HIVEP1: variants seen among roughly 807,000 people sequenced by gnomAD.
The protein encoded by HIVEP1 is HIVEP zinc finger 1.
In HIVEP1, 36 loss-of-function variants were observed where a neutral mutation model predicts 180.0. The observed-to-expected ratio is 0.20, with a 90% CI of 0.15 to 0.26. The LOEUF is 0.26. Among genes scored for constraint, HIVEP1 ranks in the 10% least tolerant of loss-of-function variants. The probability of loss-of-function intolerance (pLI) is 1.00; values close to 1 mark genes in which losing one functional copy is unlikely to be tolerated. For synonymous variants in HIVEP1, 1,239 were observed against 1,239.0 expected (o/e 1.00, Z 0.00); for missense variants, 3,143 against 3,268.7 (o/e 0.96, Z 0.94).
rs370921970 is a variant in HIVEP1 at position 12,123,071 on chromosome 6, T to C, written c.3276T>C (p.His1092=). The C allele has an allele frequency of 4.3e-6, 7 of 1,614,160 alleles. No individual in the cohort carries two copies. The highest frequency in any genetic ancestry group is 1.1e-5 in the South Asian group (1 of 91,088). ...AAAATATACAGTTGCAAAACTCCCA[T>C]ATTCACCTTGTTGCCAGGGGCCCTG... ...QHKNIQLQNS[H]IHLVARGPEQ... The change falls in exon 4 of 9, where the codon CAT becomes CAC. Residue 1092 remains histidine, a synonymous_variant. Coordinates refer to ENST00000379388, the MANE Select transcript of HIVEP1 (RefSeq NM_002114.4).
the HIVEP1 span, among the ~76,000 whole-genome samples, chr6:12,186,524 T>A: frequency 1.4e-5 from 2 of 142,132 alleles, no homozygotes; most frequent in African/African-American, 5.2e-5. Flanking sequence ...AATTCTATAA[T>A]TTCACTAAAA....
intron 3 of HIVEP1, among the ~76,000 whole-genome samples, chr6:12,108,481 G>A (rs1027441335): frequency 6.6e-6 from 1 of 152,236 alleles, no homozygotes; most frequent in Non-Finnish European, 1.5e-5. Context: ...AGGAGCCCAC[G>A]GAGGGGGTGG....
At chr6:12,074,617 A>T (rs1488191209) in intron 2 of HIVEP1, among the ~76,000 whole-genome samples, 1 of 75,346 alleles carries the variant, frequency 1.3e-5, no homozygotes, top group African/African-American at 5.1e-5. Flanking sequence ...ATTGTATGAA[A>T]AAGTGTGTGT....
At chr6:12,202,786 C>T in the HIVEP1 span, among the ~76,000 whole-genome samples, 2 of 152,338 alleles carry the variant, frequency 1.3e-5, no homozygotes, top group South Asian at 2.1e-4. Context: ...TTCCCATTCT[C>T]TCTTCTCTTG....
At chr6:12,130,318 T>A (rs1461607144) in intron 5 of HIVEP1, among the ~76,000 whole-genome samples, 1 of 152,244 alleles carries the variant, frequency 6.6e-6, no homozygotes, top group Non-Finnish European at 1.5e-5. Context: ...TTATTGTGGT[T>A]GAATTTAGCA....
Position 12,121,891 on chromosome 6 carries a change from C to A in HIVEP1, c.2096C>A (p.Thr699Lys). The A allele has an allele frequency of 6.2e-7, 1 of 1,614,220 alleles. No individual in the cohort carries two copies. Among genetic ancestry groups the A allele is most frequent in the Non-Finnish European group, 8.5e-7 (1 of 1,180,042 alleles). Residue 699 changes from threonine (T) to lysine (K), a missense_variant, in exon 4 of 9, where the codon ACA becomes AAA. By Grantham distance (78) the Thr-to-Lys change is moderately conservative. Around this residue, in one of 12 missense-constraint regions of HIVEP1, gnomAD observed 365 missense variants for 344.4 expected, o/e 1.06. Coordinates refer to ENST00000379388, the MANE Select transcript of HIVEP1 (RefSeq NM_002114.4). This position sits in a 1 kb window ranked among gnomAD's most constrained non-coding sequence, Gnocchi z 5.3. ...PTPFARRLPS[T>K]EQDSGRSNGP... ...CCCTTTGCCAGAAGGTTACCCAGCA[C>A]AGAACAAGACTCTGGAAGGAGTAAC...
At position 12,122,715 on chromosome 6, in the gene HIVEP1, T is replaced by G; in HGVS notation, c.2920T>G (p.Phe974Val). The G allele has an allele frequency of 6.2e-7, 1 of 1,613,872 alleles. No homozygotes were observed. Among genetic ancestry groups the G allele is most frequent in the Non-Finnish European group, 8.5e-7 (1 of 1,179,936 alleles). ...AAACAGGTATAGGAAACTGGAAAAT[T>G]TTGAAAATCATAAGAAATTTTACTG... ...CRNRYRKLEN[F>V]ENHKKFYCSE... The change falls in exon 4 of 9, where the codon TTT becomes GTT. Residue 974 changes from phenylalanine to valine, a missense_variant. Around this residue, in one of 12 missense-constraint regions of HIVEP1, gnomAD observed 204 missense variants for 243.7 expected, o/e 0.84. Coordinates refer to ENST00000379388, the MANE Select transcript of HIVEP1 (RefSeq NM_002114.4).
chr6:12,209,304 G>A, the HIVEP1 span, among the ~76,000 whole-genome samples: 1 of 152,140 alleles, frequency 6.6e-6, no homozygotes, highest in Non-Finnish European at 1.5e-5. Flanking sequence ...GTGGTGGCAG[G>A]AGCCTGTAAT....
the HIVEP1 span, among the ~76,000 whole-genome samples, chr6:12,171,923 T>C: frequency 6.6e-6 from 1 of 152,132 alleles, no homozygotes; most frequent in African/African-American, 2.4e-5. Flanking sequence ...TGCTTAGCTG[T>C]TCACCCCTCC....
chr6:12,205,523 T>C, the HIVEP1 span, among the ~76,000 whole-genome samples: 1 of 151,992 alleles, frequency 6.6e-6, no homozygotes, highest in Admixed American at 6.6e-5. Context: ...TACTGCACGG[T>C]ACAGTGGTTA....
the HIVEP1 span, among the ~76,000 whole-genome samples, chr6:12,182,096 G>A: frequency 1.3e-5 from 2 of 152,012 alleles, no homozygotes; most frequent in African/African-American, 4.8e-5. Flanking sequence ...TTCATACATG[G>A]GGCCCAGAGT....
chr6:12,125,662 C>T lies in HIVEP1; in HGVS notation c.5867C>T (p.Pro1956Leu), dbSNP rs779185427. ...TTAAGGCAGAAGTCGTTGCATTTGC[C>T]TCAGAAGGACCAGAAAACTTCAGCC... Reference protein sequence around the residue: ...YLLRQKSLHLPQKDQKTSAYT... With the variant: ...YLLRQKSLHLLQKDQKTSAYT... Residue 1956 changes from proline (P) to leucine (L), a missense_variant, in exon 4 of 9, where the codon CCT (proline) becomes CTT (leucine). By Grantham distance (98) the Pro-to-Leu change is moderately conservative. Coordinates refer to ENST00000379388, the MANE Select transcript of HIVEP1 (RefSeq NM_002114.4). 8 of 1,614,174 alleles carry T rather than the reference C, an allele frequency of 5.0e-6. No homozygotes were observed. In the East Asian group the frequency reaches 1.8e-4, roughly 36 times the overall value.
Position 12,121,530 on chromosome 6 carries a change from A to G in HIVEP1, c.1735A>G (p.Lys579Glu), listed in dbSNP as rs546828568. 6.6e-5 allele frequency: 107 copies of G among 1,614,162 alleles called. 2 individuals carry two copies. In the South Asian group the frequency reaches 1.1e-3, roughly 17 times the overall value. Reference sequence around the variant, plus strand: ...GTCCCCCTTAAGAACTGACAGTCCAAAGGCCATGGATCCCAAGCCTGAACT... The same window carrying G: ...GTCCCCCTTAAGAACTGACAGTCCAGAGGCCATGGATCCCAAGCCTGAACT... ...TVSPLRTDSP[K>E]AMDPKPELSS... Residue 579 changes from lysine to glutamate, a missense_variant, in exon 4 of 9, where the codon AAG becomes GAG. Physicochemically the swap from Lys to Glu is moderately conservative, Grantham distance 56. Transcript: ENST00000379388. The surrounding 1 kb of genome is among the most constrained non-coding windows in gnomAD (Gnocchi z 5.3).
the HIVEP1 span, among the ~76,000 whole-genome samples, chr6:12,181,261 G>A: frequency 6.6e-6 from 1 of 152,074 alleles, no homozygotes; most frequent in Non-Finnish European, 1.5e-5. Flanking sequence ...TCGGGAGGCT[G>A]AGGCAGGAGA....
chr6:12,203,736 C>T, the HIVEP1 span, among the ~76,000 whole-genome samples: 3 of 152,180 alleles, frequency 2.0e-5, no homozygotes, highest in Non-Finnish European at 4.4e-5. Context: ...GAAGGTCACT[C>T]ATGTCTAAGA....
At chr6:12,165,725 C>T (rs748066887), downstream of HIVEP1, among the ~76,000 whole-genome samples, 2 of 152,170 alleles carry the variant, frequency 1.3e-5, no homozygotes, top group Admixed American at 6.5e-5. Flanking sequence ...AATGTATTCA[C>T]ATTTTTAAAG....
intron 3 of HIVEP1, among the ~76,000 whole-genome samples, chr6:12,090,832 T>C (rs773570130): frequency 4.8e-4 from 72 of 151,176 alleles, no homozygotes; most frequent in Admixed American, 9.9e-4. Flanking sequence ...TCCTTGTTAC[T>C]TCTTTGGCAA....
At chr6:12,145,285 G>A (rs1369860570) in intron 7 of HIVEP1, among the ~76,000 whole-genome samples, 3 of 152,054 alleles carry the variant, frequency 2.0e-5, no homozygotes, top group Non-Finnish European at 2.9e-5. Context: ...ACCAAACACC[G>A]CATGTTCTCA....
chr6:12,067,276 T>A (rs1048437155), intron 2 of HIVEP1, among the ~76,000 whole-genome samples: 1 of 152,190 alleles, frequency 6.6e-6, no homozygotes, highest in South Asian at 2.1e-4. Context: ...TTGAAGTGTA[T>A]CACTTAGTAG....
Sources: allele counts gnomAD v4.1 joint callset (sites outside exome capture counted in the v4.1 genomes callset), GRCh38; gene constraint gnomAD v4.1.1; regional missense constraint gnomAD v4.1.1; non-coding constraint Gnocchi (gnomAD v3.1); transcripts MANE v1.5; gene names NCBI Gene and HGNC (gene_info 2026-07-23, HGNC 2026-07-21).